The following ZFAT variants were observed in gnomAD, a reference collection of about 807,000 sequenced individuals.
ZFAT encodes the protein zinc finger and AT-hook domain containing.
Under a neutral mutation model 117.7 loss-of-function variants are expected in ZFAT, and 64 were observed. The observed-to-expected ratio is 0.54, with a 90% CI of 0.44 to 0.67. The LOEUF (loss-of-function observed/expected upper bound fraction) is 0.67. ZFAT is among the 30% of genes least tolerant of loss of function. The pLI, the probability that ZFAT is intolerant of heterozygous loss-of-function variation, is 0.00. For synonymous variants in ZFAT, 679 were observed against 615.0 expected, an observed-to-expected ratio of 1.10 and a Z score of -1.54; for missense variants, 1,433 against 1,584.5, an observed-to-expected ratio of 0.90 and a Z score of 1.62.
the ZFAT span, among the ~76,000 whole-genome samples, chr8:134,774,714 C>T: frequency 6.6e-6 from 1 of 152,224 alleles, no homozygotes; most frequent in South Asian, 2.1e-4. Context: ...TGGTCTAGAA[C>T]AGAACCCACA....
At chr8:134,650,860 A>C (rs930101418) in intron 2 of ZFAT, among the ~76,000 whole-genome samples, 3 of 152,220 alleles carry the variant, frequency 2.0e-5, no homozygotes, top group African/African-American at 7.2e-5. Flanking sequence ...CCACATGTAA[A>C]AGAACAAATT....
intron 1 of ZFAT, among the ~76,000 whole-genome samples, chr8:134,694,146 G>C (rs561281936): frequency 6.6e-6 from 1 of 152,210 alleles, no homozygotes; most frequent in Non-Finnish European, 1.5e-5. Context: ...TGGAACGCGG[G>C]GCGCAGCTGA....
the ZFAT span, among the ~76,000 whole-genome samples, chr8:134,825,771 A>C: frequency 6.6e-6 from 1 of 152,232 alleles, no homozygotes; most frequent in Non-Finnish European, 1.5e-5. Flanking sequence ...CTGTAATCCC[A>C]GCACTTTGGG....
At chr8:134,782,849 A>T in the ZFAT span, among the ~76,000 whole-genome samples, 80 of 152,136 alleles carry the variant, frequency 5.3e-4, 1 homozygote, top group South Asian at 0.016. Flanking sequence ...GGACTAATAC[A>T]CCCTGCATCT....
At chr8:134,669,485 T>G (rs1832440270) in intron 1 of ZFAT, among the ~76,000 whole-genome samples, 1 of 152,168 alleles carries the variant, frequency 6.6e-6, no homozygotes. Flanking sequence ...ACCCAGAATT[T>G]CAAATCCTGC....
At chr8:134,700,395 G>A (rs935666513) in intron 1 of ZFAT, among the ~76,000 whole-genome samples, 2 of 152,158 alleles carry the variant, frequency 1.3e-5, no homozygotes, top group South Asian at 4.1e-4. Flanking sequence ...GATGGATGGG[G>A]AGTTGACCCT....
At chr8:134,580,801 C>T (rs1825662432) in intron 10 of ZFAT, among the ~76,000 whole-genome samples, 1 of 152,096 alleles carries the variant, frequency 6.6e-6, no homozygotes, top group African/African-American at 2.4e-5. Context: ...CAACCACATA[C>T]CATACGCTAA....
At chr8:134,673,374 CA>C in intron 1 of ZFAT, 1 of 158,456 alleles carries the variant, frequency 6.3e-6, no homozygotes. Context: ...AGAGAACTAA[CA>C]AACACTCAAC....
intron 13 of ZFAT, among the ~76,000 whole-genome samples, chr8:134,516,314 GCAGTTCTTTCAGGAGA>G (rs1261049753): frequency 6.6e-6 from 1 of 152,182 alleles, no homozygotes; most frequent in African/African-American, 2.4e-5. Flanking sequence ...GTTATATTGG[GCAGTTCTTTCAGGAGA>G]CACGCTTTGG....
At chr8:134,646,543 A>C (rs1331559392) in intron 2 of ZFAT, among the ~76,000 whole-genome samples, 2 of 152,150 alleles carry the variant, frequency 1.3e-5, no homozygotes, top group African/African-American at 4.8e-5. Context: ...GAGCAGATGG[A>C]AGGAAATAAT....
intron 1 of ZFAT, among the ~76,000 whole-genome samples, chr8:134,694,148 C>G (rs7463826): frequency 0.34 from 51,043 of 151,978 alleles, 9,152 homozygotes; most frequent in South Asian, 0.43. Context: ...GAACGCGGGG[C>G]GCAGCTGAGG....
chr8:134,532,515 C>A (rs116798503), intron 12 of ZFAT, among the ~76,000 whole-genome samples: 1 of 152,142 alleles, frequency 6.6e-6, no homozygotes, highest in Non-Finnish European at 1.5e-5. Context: ...TTCATCTCTG[C>A]GAACTTTACG....
At chr8:134,517,828 T>A (rs1820361999) in intron 13 of ZFAT, among the ~76,000 whole-genome samples, 1 of 152,220 alleles carries the variant, frequency 6.6e-6, no homozygotes, top group East Asian at 1.9e-4. Context: ...TGGTTTCTGA[T>A]AATTAGGCTG....
At chr8:134,636,994 C>G (rs957533622) in intron 3 of ZFAT, among the ~76,000 whole-genome samples, 5 of 152,374 alleles carry the variant, frequency 3.3e-5, no homozygotes, top group Admixed American at 3.3e-4. Flanking sequence ...CTAATCTCTG[C>G]ACTTTGGCCC....
intron 1 of ZFAT, among the ~76,000 whole-genome samples, chr8:134,679,331 T>C (rs549022175): frequency 6.6e-6 from 1 of 152,256 alleles, no homozygotes; most frequent in East Asian, 1.9e-4. Flanking sequence ...AACAAACATA[T>C]GAAAAAATGC....
chr8:134,541,090 C>T (rs1431879940), intron 11 of ZFAT, among the ~76,000 whole-genome samples: 1 of 152,124 alleles, frequency 6.6e-6, no homozygotes, highest in East Asian at 1.9e-4. Context: ...CCTCACTTGA[C>T]CTTAAGGGAA....
the ZFAT span, among the ~76,000 whole-genome samples, chr8:134,770,325 G>T: frequency 2.0e-5 from 3 of 152,352 alleles, no homozygotes; most frequent in African/African-American, 7.2e-5. Context: ...GAAGAACGTG[G>T]ATTGTGAAGA....
intron 1 of ZFAT, among the ~76,000 whole-genome samples, chr8:134,658,292 A>G (rs575886134): frequency 1.5e-4 from 22 of 146,270 alleles, no homozygotes; most frequent in African/African-American, 4.8e-4. Context: ...AGCCGAGATC[A>G]CGCCACTGCA....
At chr8:134,510,597 T>C (rs894478029) in intron 14 of ZFAT, 8 of 162,806 alleles carry the variant, frequency 4.9e-5, no homozygotes, top group Admixed American at 1.8e-4. Context: ...ATATTCACAA[T>C]GCATCGCCGG....
Sources: allele counts gnomAD v4.1 joint callset (sites outside exome capture counted in the v4.1 genomes callset), GRCh38; gene constraint gnomAD v4.1.1; transcripts MANE v1.5; gene names NCBI Gene and HGNC (gene_info 2026-07-23, HGNC 2026-07-21).